The following SOS1 variants were observed in gnomAD, a reference collection of about 807,000 sequenced individuals.
The protein encoded by SOS1 is SOS Ras/Rac guanine nucleotide exchange factor 1.
Under a neutral mutation model 157.6 loss-of-function variants are expected in SOS1, and 25 were observed. That is an observed-to-expected ratio of 0.16 (90% CI 0.12 to 0.22). SOS1 has a LOEUF of 0.22. Ranked by LOEUF, SOS1 falls within the 10% of genes least tolerant of loss-of-function variation. SOS1 has a pLI of 1.00. For synonymous variants in SOS1, 528 were observed against 534.0 expected (o/e 0.99, Z 0.16); for missense variants, 1,237 against 1,599.1 (o/e 0.77, Z 3.86).
intron 20 of SOS1, among the ~76,000 whole-genome samples, chr2:38,994,764 A>G (rs1018238837): frequency 2.6e-5 from 4 of 152,222 alleles, no homozygotes; most frequent in Non-Finnish European, 4.4e-5. Context: ...TTTTGGAGCC[A>G]GGCAGCATTT....
chr2:39,098,845 T>C (rs1229773229), intron 1 of SOS1, among the ~76,000 whole-genome samples: 1 of 152,030 alleles, frequency 6.6e-6, no homozygotes, highest in Non-Finnish European at 1.5e-5. Flanking sequence ...GCCAAGATTG[T>C]GCCACTGCAC....
upstream of SOS1, among the ~76,000 whole-genome samples, chr2:39,124,639 G>T (rs556962790): frequency 5.3e-5 from 8 of 152,356 alleles, no homozygotes; most frequent in African/African-American, 1.9e-4. Context: ...TCCTTCTGAC[G>T]CGAACTTCGG....
In SOS1 at chr2:39,013,999, A is replaced by C; in HGVS notation, c.1941-10T>G. ...CTCTGGAATTTCAAACCTAACATAAAATAGAACAAATTAATGAAAAGACTA... is the reference window on the plus strand; with the variant it reads ...CTCTGGAATTTCAAACCTAACATAACATAGAACAAATTAATGAAAAGACTA... On this transcript the variant is annotated splice_polypyrimidine_tract_variant and intron_variant, in intron 11 of 22. Transcript: ENST00000402219. The C allele has an allele frequency of 6.3e-7, 1 of 1,589,284 alleles. No homozygotes were observed. Among genetic ancestry groups the C allele is most frequent in the Non-Finnish European group, 8.6e-7 (1 of 1,159,972 alleles).
rs1012666477 is a variant in SOS1, at chr2:39,121,010, G to C, written c.-588C>G. 1 of 172,912 alleles carries C rather than the reference G, an allele frequency of 5.8e-6. No homozygotes were observed. Among genetic ancestry groups the C allele is most frequent in the South Asian group, 1.4e-4 (1 of 7,348 alleles). The allele number at this position is 172,912 out of a possible 1,614,324, so 10.7% of individuals were successfully genotyped here. A position where few individuals can be genotyped will look rare whatever the true frequency, so the allele number is the denominator to read the frequency against. Reference sequence around the variant, plus strand: ...CGCCGCCACCGCCGCCGCCGGTGTAGCGCTGGAGCTTCCTACTAGCGAACT... The same window carrying C: ...CGCCGCCACCGCCGCCGCCGGTGTACCGCTGGAGCTTCCTACTAGCGAACT... On this transcript the variant is annotated 5_prime_UTR_variant, in exon 1 of 23. Transcript: ENST00000402219.
intron 1 of SOS1, among the ~76,000 whole-genome samples, chr2:39,094,004 G>A (rs1198350724): frequency 1.3e-5 from 2 of 152,148 alleles, no homozygotes; most frequent in East Asian, 3.8e-4. Flanking sequence ...GTAGGAGGCT[G>A]AGTTTTTCTT....
chr2:39,062,755 G>C (rs1428219571), intron 2 of SOS1, among the ~76,000 whole-genome samples: 1 of 151,728 alleles, frequency 6.6e-6, no homozygotes, highest in Non-Finnish European at 1.5e-5. Context: ...AATTATGAAA[G>C]GACAAGACCT....
Position 39,036,890 on chromosome 2 carries a change from T to G in SOS1, c.865-1390A>C, listed in dbSNP as rs1193739024. ...GCGCCCGGCCTGACCAGGCTGGTCT[T>G]GATCTGCTGGACTCAAGTGATCCTC... On this transcript the variant is annotated intron_variant, in intron 6 of 22. Coordinates refer to ENST00000402219, the MANE Select transcript of SOS1 (RefSeq NM_005633.4). 2.0e-5 allele frequency among the ~76,000 whole-genome samples: 3 copies of G among 151,744 alleles called. No homozygotes were observed. The East Asian group carries it at 5.8e-4, about 29-fold the overall frequency.
intron 1 of SOS1, among the ~76,000 whole-genome samples, chr2:39,107,538 T>G (rs1174432991): frequency 3.3e-5 from 5 of 151,604 alleles, no homozygotes; most frequent in Non-Finnish European, 7.4e-5. Flanking sequence ...TCCTTCCTTT[T>G]CCCCCCTCAC....
rs558561458 is a variant in SOS1 at position 39,120,447 on chromosome 2, G to C, written c.-25C>G. On this transcript the variant is annotated 5_prime_UTR_variant, in exon 1 of 23. Transcript: ENST00000402219. Reference sequence around the variant, plus strand: ...TGGTGCCCCCGGGGCGCCTCTGGGCGGGGAGAGGGGCGGCGGCGGCCGGGC... The same window carrying C: ...TGGTGCCCCCGGGGCGCCTCTGGGCCGGGAGAGGGGCGGCGGCGGCCGGGC... 2 of 1,557,416 alleles carry C rather than the reference G, an allele frequency of 1.3e-6. No individual in the cohort carries two copies. Among genetic ancestry groups the C allele is most frequent in the South Asian group, 1.2e-5 (1 of 86,116 alleles).
At chr2:39,053,951 G>A (rs1275285239) in intron 5 of SOS1, among the ~76,000 whole-genome samples, 1 of 150,480 alleles carries the variant, frequency 6.6e-6, no homozygotes, top group Non-Finnish European at 1.5e-5. Flanking sequence ...CTTCTGAGAC[G>A]GAGTCTCGCT....
intron 1 of SOS1, among the ~76,000 whole-genome samples, chr2:39,113,480 C>A (rs1351803757): frequency 6.6e-6 from 1 of 151,596 alleles, no homozygotes; most frequent in African/African-American, 2.4e-5. Context: ...CCATGCCCAG[C>A]AATATAGTGT....
At chr2:39,078,394 A>G (rs559536213) in intron 1 of SOS1, among the ~76,000 whole-genome samples, 28 of 152,344 alleles carry the variant, frequency 1.8e-4, no homozygotes, top group African/African-American at 6.5e-4. Flanking sequence ...AACATTACTT[A>G]GTAAAGTCAA....
intron 5 of SOS1, among the ~76,000 whole-genome samples, chr2:39,053,223 T>G (rs1404259445): frequency 6.6e-6 from 1 of 152,214 alleles, no homozygotes; most frequent in African/African-American, 2.4e-5. Flanking sequence ...TCAGGTAATG[T>G]GGGAATTTTA....
At chr2:39,028,199 G>A (rs989201475) in intron 8 of SOS1, among the ~76,000 whole-genome samples, 54 of 152,262 alleles carry the variant, frequency 3.5e-4, no homozygotes, top group African/African-American at 1.3e-3. Flanking sequence ...ACTTTTACCA[G>A]TGACGAATTT....
In SOS1 at chr2:39,086,542, A is replaced by T. The variant is rs576993371; in HGVS notation, c.88-18789T>A. 2.6e-5 allele frequency among the ~76,000 whole-genome samples: 4 copies of T among 152,364 alleles called. No individual in the cohort carries two copies. The South Asian group carries it at 8.3e-4, about 32-fold the overall frequency. On this transcript the variant is annotated intron_variant, in intron 1 of 22. Coordinates refer to ENST00000402219, the MANE Select transcript of SOS1 (RefSeq NM_005633.4). ...GAATTACATTTTTAATGATTTTATC[A>T]TATAATGCCCTATCCTATCAAAATA...
intron 3 of SOS1, 107 bp from the exon 4 acceptor site, chr2:39,056,973 G>A (rs146089631): frequency 1.2e-6 from 1 of 805,732 alleles, no homozygotes; most frequent in East Asian, 2.4e-5. Context: ...TTTTTTTCCT[G>A]AGGCCTGTGC....
In SOS1 at chr2:39,021,455, T is replaced by G. The variant is rs192661614; in HGVS notation, c.1858+1115A>C. ...TAAAAATTTTGTAATTTGAAAATGT[T>G]TTCCTGCCCAAGTATCACTGACTTG... On this transcript the variant is annotated intron_variant, in intron 10 of 22. Coordinates refer to ENST00000402219, the MANE Select transcript of SOS1 (RefSeq NM_005633.4). Among the ~76,000 whole-genome samples, 439 of 151,180 alleles carry G rather than the reference T, an allele frequency of 2.9e-3. 2 individuals are homozygous for G. The highest frequency in any genetic ancestry group is 3.9e-3 in the Non-Finnish European group (262 of 67,424).
intron 6 of SOS1, among the ~76,000 whole-genome samples, chr2:39,038,445 T>G (rs901896319): frequency 3.3e-5 from 5 of 151,942 alleles, no homozygotes; most frequent in African/African-American, 1.2e-4. Context: ...GCAAAGAAAG[T>G]GGTTTCTTGG....
At chr2:39,048,360 G>A (rs953879714) in intron 6 of SOS1, among the ~76,000 whole-genome samples, 1 of 151,672 alleles carries the variant, frequency 6.6e-6, no homozygotes, top group Admixed American at 6.6e-5. Context: ...TCTAATTATA[G>A]TTCCTTCGCA....
Sources: allele counts gnomAD v4.1 joint callset (sites outside exome capture counted in the v4.1 genomes callset), GRCh38; gene constraint gnomAD v4.1.1; transcripts MANE v1.5; gene names NCBI Gene and HGNC (gene_info 2026-07-23, HGNC 2026-07-21).